The following METTL25 variants were observed in gnomAD, a reference collection of about 807,000 sequenced individuals.
The protein encoded by METTL25 is methyltransferase like 25.
In METTL25, 64 loss-of-function variants were observed where a neutral mutation model predicts 71.6. That is an observed-to-expected ratio of 0.89 (90% CI 0.73 to 1.10). The LOEUF (loss-of-function observed/expected upper bound fraction) is 1.10, where lower values mean the gene tolerates loss of function less well. Among genes scored for constraint, METTL25 ranks in the 50% least tolerant of loss-of-function variants. The pLI, the probability that METTL25 is intolerant of heterozygous loss-of-function variation, is 0.00. For synonymous variants in METTL25, 287 were observed against 250.3 expected, an observed-to-expected ratio of 1.15 and a Z score of -1.38; for missense variants, 807 against 707.0, an observed-to-expected ratio of 1.14 and a Z score of -1.60.
intron 2 of METTL25, among the ~76,000 whole-genome samples, chr12:82,389,420 T>C (rs1885363133): frequency 6.6e-6 from 1 of 152,112 alleles, no homozygotes; most frequent in Non-Finnish European, 1.5e-5. Flanking sequence ...GGTGATTCTT[T>C]TTGTATTGAT....
At chr12:82,358,859 CGGA>C in intron 1 of METTL25, 35 bp downstream of exon 1, 1 of 1,563,344 alleles carries the variant, frequency 6.4e-7, no homozygotes, top group Non-Finnish European at 8.7e-7. Context: ...GGAAGGGAGG[CGGA>C]GGAGAAGGTC....
At chr12:82,383,388 G>A (rs1187212199) in intron 1 of METTL25, among the ~76,000 whole-genome samples, 3 of 151,904 alleles carry the variant, frequency 2.0e-5, no homozygotes, top group African/African-American at 4.8e-5. Context: ...GCATGCTAAT[G>A]GAATGTGGGA....
chr12:82,420,938 C>T (rs1888426968), intron 5 of METTL25, among the ~76,000 whole-genome samples: 1 of 152,014 alleles, frequency 6.6e-6, no homozygotes, highest in South Asian at 2.1e-4. Flanking sequence ...TCACTGCAAC[C>T]TCCACCTCTG....
At chr12:82,437,942 T>A (rs1314336932) in intron 7 of METTL25, among the ~76,000 whole-genome samples, 1 of 151,716 alleles carries the variant, frequency 6.6e-6, no homozygotes, top group Non-Finnish European at 1.5e-5. Flanking sequence ...GGGATGTGCA[T>A]AGGGTTTTGG....
At chr12:82,383,722 A>G (rs1020880606) in intron 1 of METTL25, among the ~76,000 whole-genome samples, 1 of 152,160 alleles carries the variant, frequency 6.6e-6, no homozygotes, top group African/African-American at 2.4e-5. Context: ...TAAATATTAT[A>G]CATTCAGTGA....
At chr12:82,459,243 G>T (rs1891696418) in intron 9 of METTL25, among the ~76,000 whole-genome samples, 1 of 152,088 alleles carries the variant, frequency 6.6e-6, no homozygotes, top group Non-Finnish European at 1.5e-5. Context: ...TAATGGACAA[G>T]GTAGATAGCC....
chr12:82,386,782 T>C (rs1885067754), intron 1 of METTL25, 21 bp from the exon 2 acceptor site: 4 of 1,602,196 alleles, frequency 2.5e-6, no homozygotes, highest in African/African-American at 1.3e-5. Flanking sequence ...CTGAAGACTT[T>C]TTCTGTCTTC....
intron 1 of METTL25, among the ~76,000 whole-genome samples, chr12:82,361,327 T>G (rs1010405276): frequency 5.9e-5 from 9 of 152,210 alleles, no homozygotes; most frequent in African/African-American, 2.2e-4. Context: ...AAGTCCCCAC[T>G]AGACTCAGGA....
At chr12:82,368,648 A>G (rs946529082) in intron 1 of METTL25, among the ~76,000 whole-genome samples, 2 of 152,216 alleles carry the variant, frequency 1.3e-5, no homozygotes, top group African/African-American at 2.4e-5. Context: ...AAAAATAGTT[A>G]TAAGTCAATT....
chr12:82,398,716 T>C (rs953793982), intron 3 of METTL25, 79 bp from the exon 4 acceptor site: 1 of 964,724 alleles, frequency 1.0e-6, no homozygotes, highest in Admixed American at 2.9e-5. Flanking sequence ...AACTCATTTG[T>C]TTACTTCAAA....
chr12:82,419,888 A>G (rs1041581728), intron 5 of METTL25, among the ~76,000 whole-genome samples: 3 of 152,168 alleles, frequency 2.0e-5, no homozygotes, highest in African/African-American at 7.2e-5. Context: ...TTGAAATCGG[A>G]TCTCGAAGAG....
At chr12:82,385,245 C>T (rs2136936057) in intron 1 of METTL25, among the ~76,000 whole-genome samples, 1 of 152,172 alleles carries the variant, frequency 6.6e-6, no homozygotes, top group South Asian at 2.1e-4. Context: ...ATTTAGAATT[C>T]TACAAACCCT....
rs745772181 is a variant in METTL25, at chr12:82,438,716, A to C, written c.1405-2A>C. 1 of 1,465,036 alleles carries C rather than the reference A, an allele frequency of 6.8e-7. No individual in the cohort carries two copies. Among genetic ancestry groups the C allele is most frequent in the Non-Finnish European group, 9.1e-7 (1 of 1,102,136 alleles). The allele number at this position is 1,465,036 out of a possible 1,614,324, so 90.8% of individuals were successfully genotyped here. A position where few individuals can be genotyped will look rare whatever the true frequency, so the allele number is the denominator to read the frequency against. On this transcript the variant is annotated splice_acceptor_variant, in intron 7 of 11. Coordinates refer to ENST00000248306, the MANE Select transcript of METTL25 (RefSeq NM_032230.3). LOFTEE classifies it high-confidence loss of function. ...GCTTATATATGTCTACATTTTTTTC[A>C]GCTGCCTACTGAATCACTCTTCTAT... is the stretch of plus-strand genomic sequence containing the variant.
At chr12:82,397,217 T>C (rs955613717) in intron 3 of METTL25, among the ~76,000 whole-genome samples, 6 of 152,114 alleles carry the variant, frequency 3.9e-5, no homozygotes, top group African/African-American at 1.4e-4. Context: ...CATCTCACTG[T>C]GGTGGTTGTT....
intron 4 of METTL25, among the ~76,000 whole-genome samples, chr12:82,401,256 ATGTT>A (rs1237928346): frequency 2.0e-5 from 3 of 152,128 alleles, no homozygotes; most frequent in African/African-American, 4.8e-5. Flanking sequence ...ATTTTTAAAA[ATGTT>A]AGTGAAACAA....
At chr12:82,361,470 G>T (rs912394757) in intron 1 of METTL25, among the ~76,000 whole-genome samples, 2 of 152,160 alleles carry the variant, frequency 1.3e-5, no homozygotes, top group East Asian at 3.9e-4. Context: ...GCAGGAGGCG[G>T]TGCTCGTTGG....
At chr12:82,426,945 C>T (rs1199109820) in intron 5 of METTL25, among the ~76,000 whole-genome samples, 1 of 151,956 alleles carries the variant, frequency 6.6e-6, no homozygotes, top group Non-Finnish European at 1.5e-5. Context: ...CTAATCCCAT[C>T]ATGCCTTTTA....
intron 8 of METTL25, chr12:82,451,232 G>A (rs1891127438): frequency 8.8e-6 from 8 of 910,412 alleles, no homozygotes; most frequent in Non-Finnish European, 1.1e-5. Flanking sequence ...GCTTCATGCA[G>A]TATCCTCCTC....
chr12:82,390,014 T>G, intron 3 of METTL25, 92 bp downstream of exon 3: 2 of 705,906 alleles, frequency 2.8e-6, no homozygotes, highest in Non-Finnish European at 5.1e-6. Context: ...AGCTAGCCTT[T>G]AAAATGTCAT....
Sources: allele counts gnomAD v4.1 joint callset (sites outside exome capture counted in the v4.1 genomes callset), GRCh38; gene constraint gnomAD v4.1.1; transcripts MANE v1.5; gene names NCBI Gene and HGNC (gene_info 2026-07-23, HGNC 2026-07-21).